The following DPY19L1 variants were observed in gnomAD, a reference collection of about 807,000 sequenced individuals.
DPY19L1 encodes the protein dpy-19 like C-mannosyltransferase 1, also known as protein C-mannosyl-transferase DPY19L1.
A neutral mutation model predicts 96.9 loss-of-function variants in DPY19L1; 35 were observed. The ratio of observed to expected loss-of-function variants is 0.36; its 90% confidence interval spans 0.28 to 0.48. The LOEUF is 0.48. DPY19L1 is among the 20% of genes least tolerant of loss of function. DPY19L1 has a pLI of 0.99. For synonymous variants in DPY19L1, 205 were observed against 252.6 expected (o/e 0.81, Z 1.79); for missense variants, 521 against 777.9 (o/e 0.67, Z 3.93).
intron 6 of DPY19L1, among the ~76,000 whole-genome samples, chr7:35,006,675 A>G (rs1007972442): frequency 2.6e-5 from 4 of 152,230 alleles, no homozygotes; most frequent in African/African-American, 9.6e-5. Flanking sequence ...GAATTCCAGA[A>G]AAAGAATTAT....
At chr7:35,037,797 C>T (rs1584270641), upstream of DPY19L1, 8 of 1,214,726 alleles carry the variant, frequency 6.6e-6, no homozygotes, top group East Asian at 9.8e-5. Context: ...CCCGACCCCT[C>T]TGGCGCCCGG....
At chr7:34,976,223 C>T (rs1223225752) in intron 7 of DPY19L1, among the ~76,000 whole-genome samples, 1 of 152,130 alleles carries the variant, frequency 6.6e-6, no homozygotes, top group Non-Finnish European at 1.5e-5. Flanking sequence ...GCCAAAATAT[C>T]ATCATTAATA....
chr7:35,023,836 T>TC (rs1344127974), intron 1 of DPY19L1, among the ~76,000 whole-genome samples: 1 of 135,760 alleles, frequency 7.4e-6, no homozygotes, highest in African/African-American at 2.6e-5. Flanking sequence ...TTCTTTTCTT[T>TC]TTTTTTTTTT....
intron 12 of DPY19L1, 49 bp from the exon 13 acceptor site, chr7:34,954,827 C>T: frequency 1.1e-5 from 10 of 946,124 alleles, no homozygotes; most frequent in Non-Finnish European, 1.6e-5. Context: ...ATTCCACAGA[C>T]ATAGGCTAGG....
At chr7:35,035,597 A>G (rs755111520) in intron 1 of DPY19L1, among the ~76,000 whole-genome samples, 1 of 152,328 alleles carries the variant, frequency 6.6e-6, no homozygotes, top group East Asian at 1.9e-4. Flanking sequence ...AGCATCACAC[A>G]CTTTCTTTTA....
At chr7:34,940,357 T>C (rs779527444) in intron 18 of DPY19L1, 30 bp from the exon 19 acceptor site, 7 of 1,591,458 alleles carry the variant, frequency 4.4e-6, no homozygotes, top group Admixed American at 1.7e-5. Context: ...ACATTGGTAA[T>C]TGTTAGTATA....
At chr7:34,982,315 T>C (rs1197183581) in intron 7 of DPY19L1, among the ~76,000 whole-genome samples, 1 of 152,236 alleles carries the variant, frequency 6.6e-6, no homozygotes, top group Non-Finnish European at 1.5e-5. Flanking sequence ...TTTTAGGCAA[T>C]ATATACTGAA....
At chr7:34,994,998 T>A (rs563058437) in intron 6 of DPY19L1, among the ~76,000 whole-genome samples, 244 of 152,250 alleles carry the variant, frequency 1.6e-3, no homozygotes, top group Non-Finnish European at 2.7e-3. Context: ...ACATCTTCCA[T>A]GAATATGGGC....
chr7:35,011,490 T>C (rs761522144), intron 4 of DPY19L1, 40 bp from the exon 5 acceptor site: 3 of 1,538,954 alleles, frequency 1.9e-6, no homozygotes, highest in South Asian at 1.2e-5. Context: ...GAAAATATAC[T>C]AAACAATTTT....
At position 34,938,748 on chromosome 7, in the gene DPY19L1, A is replaced by T. The variant is rs181083627; in HGVS notation, c.1964+528T>A. Among the ~76,000 whole-genome samples the T allele has an allele frequency of 2.7e-3, 404 of 152,008 alleles. 3 individuals are homozygous for T. Among genetic ancestry groups the T allele is most frequent in the East Asian group, 0.011 (58 of 5,184 alleles). On this transcript the variant is annotated intron_variant, in intron 20 of 21. Coordinates refer to ENST00000638088, the MANE Select transcript of DPY19L1 (RefSeq NM_001366673.1). ...AAACTGCAAGAAAAATTAAATTTTT[A>T]AAAAAAAATTTGGACAACACATCTC...
chr7:34,986,925 T>C (rs1246223055), intron 7 of DPY19L1, among the ~76,000 whole-genome samples: 2 of 152,070 alleles, frequency 1.3e-5, no homozygotes, highest in South Asian at 2.1e-4. Context: ...TTCATATGTG[T>C]ACATCTTTAT....
At position 34,973,573 on chromosome 7, in the gene DPY19L1, A is replaced by G. The variant is rs200064552; in HGVS notation, c.855T>C (p.Arg285=). ...CAAGAAATGGATATGAGAAGCTTTC[A>G]CGGAGAGGTGGTGTCCACATTACAC... ...CTRVMWTPPL[R]ESFSYPFLVL... The change falls in exon 8 of 22, where the codon CGT becomes CGC. Residue 285 remains arginine, a synonymous_variant. Coordinates refer to ENST00000638088, the MANE Select transcript of DPY19L1 (RefSeq NM_001366673.1). 7.3e-4 allele frequency: 1,114 copies of G among 1,536,062 alleles called. 1 individual carries two copies. The highest frequency in any genetic ancestry group is 1.6e-3 in the Admixed American group (87 of 53,008).
chr7:35,007,306 G>C (rs1260393942), intron 6 of DPY19L1, among the ~76,000 whole-genome samples: 1 of 152,180 alleles, frequency 6.6e-6, no homozygotes, highest in Non-Finnish European at 1.5e-5. Context: ...AACACAAAAG[G>C]AAAGCTGGAA....
chr7:34,975,606 G>T (rs1784814604), intron 7 of DPY19L1, among the ~76,000 whole-genome samples: 1 of 152,148 alleles, frequency 6.6e-6, no homozygotes, highest in African/African-American at 2.4e-5. Context: ...CAACAGGGCA[G>T]ATGAAAAAAC....
intron 10 of DPY19L1, 141 bp from the exon 11 acceptor site, chr7:34,958,211 T>C (rs1784419564): frequency 1.9e-6 from 1 of 519,272 alleles, no homozygotes; most frequent in Admixed American, 4.1e-5. Flanking sequence ...ATTCTCCATC[T>C]CACACTTCAA....
At chr7:35,010,145 G>A (rs764034914) in intron 6 of DPY19L1, among the ~76,000 whole-genome samples, 4 of 151,936 alleles carry the variant, frequency 2.6e-5, no homozygotes, top group Non-Finnish European at 4.4e-5. Flanking sequence ...TGGGAGGATC[G>A]CTTGAACCCA....
intron 16 of DPY19L1, among the ~76,000 whole-genome samples, chr7:34,943,609 T>A (rs747908777): frequency 9.9e-5 from 15 of 152,216 alleles, no homozygotes; most frequent in Non-Finnish European, 1.6e-4. Flanking sequence ...CTGGCTTTGG[T>A]AGCTATGCAA....
At chr7:35,017,437 G>A (rs1785880691) in intron 3 of DPY19L1, among the ~76,000 whole-genome samples, 1 of 147,126 alleles carries the variant, frequency 6.8e-6, no homozygotes, top group African/African-American at 2.5e-5. Flanking sequence ...GGAGCTTGCA[G>A]TGAGCCGAGA....
intron 7 of DPY19L1, among the ~76,000 whole-genome samples, chr7:34,987,516 A>G (rs1247929853): frequency 6.6e-6 from 1 of 152,124 alleles, no homozygotes; most frequent in Non-Finnish European, 1.5e-5. Context: ...TGCTATCTTC[A>G]CATGTAGTGC....
Sources: gnomAD v4.1 joint callset for allele counts (sites outside exome capture counted in the v4.1 genomes callset) on GRCh38, gnomAD v4.1.1 for gene constraint, MANE v1.5 for transcripts, NCBI Gene and HGNC (gene_info 2026-07-23, HGNC 2026-07-21) for gene names.